Variants in HPS5 observed in about 807,000 individuals in gnomAD.
HPS5 encodes the protein HPS5 biogenesis of lysosomal organelles complex 2 subunit 2.
Under a neutral mutation model 128.0 loss-of-function variants are expected in HPS5, and 83 were observed. The ratio of observed to expected loss-of-function variants is 0.65; its 90% confidence interval spans 0.54 to 0.78. The LOEUF (loss-of-function observed/expected upper bound fraction) is 0.78. Among genes scored for constraint, HPS5 ranks in the 30% least tolerant of loss-of-function variants. The pLI is 0.00. For synonymous variants in HPS5, 475 were observed against 470.2 expected (o/e 1.01, Z -0.13); for missense variants, 1,281 against 1,326.2 (o/e 0.97, Z 0.53).
chr11:18,282,603 C>A (rs964036133), intron 21 of HPS5, among the ~76,000 whole-genome samples: 3 of 151,920 alleles, frequency 2.0e-5, no homozygotes, highest in African/African-American at 7.3e-5. Context: ...AGTAATTACC[C>A]AGGGCATATC....
At chr11:18,286,801 G>A in intron 18 of HPS5, 91 bp from the exon 19 acceptor site, 1 of 1,483,078 alleles carries the variant, frequency 6.7e-7, no homozygotes, top group Non-Finnish European at 9.3e-7. Flanking sequence ...CTGATTAAGA[G>A]ATGAATATAG....
At chr11:18,286,357 C>G (rs1348331356) in intron 19 of HPS5, among the ~76,000 whole-genome samples, 2 of 152,016 alleles carry the variant, frequency 1.3e-5, no homozygotes, top group African/African-American at 4.8e-5. Flanking sequence ...CCAGCCTGGG[C>G]CATAAGGCGA....
intron 6 of HPS5, among the ~76,000 whole-genome samples, chr11:18,307,259 A>C (rs1273627982): frequency 6.6e-6 from 1 of 152,220 alleles, no homozygotes. Flanking sequence ...TTGAAGAGTG[A>C]TCTAATATGC....
chr11:18,307,017 GAA>G (rs1393577790), intron 6 of HPS5, among the ~76,000 whole-genome samples: 4 of 150,446 alleles, frequency 2.7e-5, no homozygotes, highest in African/African-American at 9.8e-5. Flanking sequence ...TTCCTCCTCA[GAA>G]ACTTTCCTTG....
At chr11:18,296,266 T>G in intron 12 of HPS5, 144 bp from the exon 13 acceptor site, 1 of 800,786 alleles carries the variant, frequency 1.2e-6, no homozygotes, top group Non-Finnish European at 2.0e-6. Context: ...AACAAATGAG[T>G]GGAACACAGG....
intron 9 of HPS5, among the ~76,000 whole-genome samples, chr11:18,300,568 G>A (rs1412816223): frequency 4.6e-5 from 7 of 151,716 alleles, no homozygotes; most frequent in Admixed American, 1.3e-4. Context: ...GTGGTGGTGC[G>A]TGCCTGTAAT....
At chr11:18,306,640 A>T (rs898240935) in intron 6 of HPS5, among the ~76,000 whole-genome samples, 6 of 152,230 alleles carry the variant, frequency 3.9e-5, no homozygotes, top group Non-Finnish European at 5.9e-5. Flanking sequence ...CAAATCTAAA[A>T]GGTGAGTGCT....
At chr11:18,316,538 G>A (rs1453729159) in intron 2 of HPS5, among the ~76,000 whole-genome samples, 3 of 152,098 alleles carry the variant, frequency 2.0e-5, no homozygotes, top group African/African-American at 4.8e-5. Context: ...TGGTTTCCAG[G>A]GATGGTAAAT....
At chr11:18,306,438 C>A in intron 6 of HPS5, 91 bp from the exon 7 acceptor site, 1 of 766,870 alleles carries the variant, frequency 1.3e-6, no homozygotes. Context: ...ATAATAACTC[C>A]ACTCACAATG....
At chr11:18,321,850 CTA>C (rs1864407308) in intron 1 of HPS5, 94 bp downstream of exon 1, 1 of 152,234 alleles carries the variant, frequency 6.6e-6, no homozygotes, top group Non-Finnish European at 1.5e-5. Flanking sequence ...TGAGTGCCTA[CTA>C]TGTTCCAGGA....
intron 8 of HPS5, among the ~76,000 whole-genome samples, chr11:18,302,225 C>T (rs60259054): frequency 1.3e-5 from 2 of 152,060 alleles, no homozygotes; most frequent in Non-Finnish European, 2.9e-5. Flanking sequence ...TTTTTCTATA[C>T]TTACTCATAT....
chr11:18,303,132 G>A (rs189802480), intron 8 of HPS5, among the ~76,000 whole-genome samples: 24 of 152,330 alleles, frequency 1.6e-4, no homozygotes, highest in Admixed American at 3.9e-4. Context: ...GGTTGCAACA[G>A]TAAAAGTCCC....
At chr11:18,308,591 G>A (rs1042928689) in intron 6 of HPS5, among the ~76,000 whole-genome samples, 2 of 152,132 alleles carry the variant, frequency 1.3e-5, no homozygotes, top group African/African-American at 4.8e-5. Context: ...GAGGCAGGAA[G>A]ATTGCTTGAG....
rs757606601 is a variant in HPS5 at position 18,291,512 on chromosome 11, C to T, written c.2370G>A (p.Ala790=). The T allele has an allele frequency of 3.8e-5, 62 of 1,612,258 alleles. No individual in the cohort carries two copies. Among genetic ancestry groups the T allele is most frequent in the Admixed American group, 3.3e-4 (20 of 59,724 alleles). The change falls in exon 16 of 23, where the codon GCG becomes GCA. Residue 790 remains alanine (A), a synonymous_variant. Transcript: ENST00000349215. ...TGTAACTAAGCTTGATACTCTCCTT[C>T]GCTCTTTTCAAGTTCAGGAGAAAAA... is the stretch of plus-strand genomic sequence containing the variant. ...KYFFLLNLKR[A]KESIKLSYSN...
Position 18,291,505 on chromosome 11 carries a change from T to A in HPS5, c.2377A>T (p.Ser793Cys). 1 of 1,610,446 alleles carries A rather than the reference T, an allele frequency of 6.2e-7. No homozygotes were observed. Among genetic ancestry groups the A allele is most frequent in the Non-Finnish European group, 8.5e-7 (1 of 1,178,808 alleles). The stretch of plus-strand genomic sequence containing the variant: ...CTATTACTGTAACTAAGCTTGATAC[T>A]CTCCTTCGCTCTTTTCAAGTTCAGG... Reference protein sequence around the residue: ...FLLNLKRAKESIKLSYSNSPS... With the variant: ...FLLNLKRAKECIKLSYSNSPS... Residue 793 changes from serine (S) to cysteine (C), a missense_variant, in exon 16 of 23, where the codon AGT becomes TGT. By Grantham distance (112) the Ser-to-Cys change is moderately radical (BLOSUM62 -1). Transcript: ENST00000349215.
chr11:18,320,795 T>C (rs1249209357), intron 1 of HPS5, among the ~76,000 whole-genome samples: 10 of 152,210 alleles, frequency 6.6e-5, no homozygotes, highest in Non-Finnish European at 1.2e-4. Flanking sequence ...AAACACTAAC[T>C]TCCTGGATCT....
At chr11:18,287,481 A>G (rs1859883397) in intron 18 of HPS5, 54 bp downstream of exon 18, 1 of 1,586,794 alleles carries the variant, frequency 6.3e-7, no homozygotes, top group Admixed American at 1.7e-5. Context: ...TATAAAAGAG[A>G]AACAATGCCC....
chr11:18,283,448 T>C (rs1255928956), intron 21 of HPS5, among the ~76,000 whole-genome samples: 18 of 152,050 alleles, frequency 1.2e-4, no homozygotes, highest in Admixed American at 1.2e-3. Flanking sequence ...CTGTCCCTTC[T>C]GTACCTCAGT....
Position 18,296,998 on chromosome 11 carries a change from G to C in HPS5, c.1324-14C>G, listed in dbSNP as rs759947657. The C allele has an allele frequency of 4.5e-6, 6 of 1,329,388 alleles. No individual in the cohort carries two copies. The highest frequency in any genetic ancestry group is 6.1e-6 in the Non-Finnish European group (6 of 988,600). The allele number at this position is 1,329,388 out of a possible 1,614,324, so 82.3% of individuals were successfully genotyped here. On this transcript the variant is annotated splice_polypyrimidine_tract_variant and intron_variant, in intron 11 of 22. Transcript: ENST00000349215. ...GCTGAAACTTTCCTAAAAATTAAAA[G>C]AATTCAAAAAAAAAAAAAGGTAAAA...
Sources: gnomAD v4.1 joint callset for allele counts (sites outside exome capture counted in the v4.1 genomes callset) on GRCh38, gnomAD v4.1.1 for gene constraint, MANE v1.5 for transcripts, NCBI Gene and HGNC (gene_info 2026-07-23, HGNC 2026-07-21) for gene names.